BCL7A: variants seen among roughly 807,000 people sequenced by gnomAD.
BCL7A encodes BAF chromatin remodeling complex subunit BCL7A.
Under a neutral mutation model 28.4 loss-of-function variants are expected in BCL7A, and 11 were observed. The ratio of observed to expected loss-of-function variants is 0.39; its 90% CI spans 0.24 to 0.64. The LOEUF is 0.64. Ranked by LOEUF, BCL7A falls within the 30% of genes least tolerant of loss-of-function variation. BCL7A has a pLI of 0.50. For missense variants in BCL7A, 222 were observed against 274.8 expected (o/e 0.81, Z 1.36); for synonymous variants, 123 against 103.3 (o/e 1.19, Z -1.15).
At chr12:122,055,471 G>T (rs1289654834) in intron 5 of BCL7A, among the ~76,000 whole-genome samples, 2 of 152,170 alleles carry the variant, frequency 1.3e-5, no homozygotes, top group Non-Finnish European at 2.9e-5. Flanking sequence ...TTGAATCCCA[G>T]CTCCCAAAAT....
In BCL7A at chr12:122,059,099, A is replaced by G. The variant is rs1359845665; in HGVS notation, c.569A>G (p.Glu190Gly). ...AETSAISQDL[E>G]GVPPSKKMKL... ...TTTTCTCCTCTCCCCAAGGATTTGG[A>G]AGGAGTGCCACCCTCTAAAAAGATG... The change falls in exon 6 of 6, where the codon GAA (glutamate) becomes GGA (glycine). Residue 190 changes from glutamate (E) to glycine (G), a missense_variant. Physicochemically the swap from Glu to Gly is moderately conservative, Grantham distance 98 (BLOSUM62 -2). Coordinates refer to ENST00000261822, the MANE Select transcript of BCL7A (RefSeq NM_001024808.3). This position sits in a 1 kb window ranked among gnomAD's most constrained non-coding sequence, Gnocchi z 4.0. 6.8e-6 allele frequency: 11 copies of G among 1,608,832 alleles called. No individual in the cohort carries two copies. Among genetic ancestry groups the G allele is most frequent in the Non-Finnish European group, 8.5e-6 (10 of 1,175,166 alleles).
chr12:122,050,856 G>A (rs1294834290), intron 4 of BCL7A, among the ~76,000 whole-genome samples: 3 of 152,224 alleles, frequency 2.0e-5, no homozygotes, highest in Middle Eastern at 3.2e-3. Flanking sequence ...AAGGGGGCGA[G>A]AACGCCAGCA....
At chr12:122,058,679 G>A (rs1454141057) in intron 5 of BCL7A, among the ~76,000 whole-genome samples, 1 of 152,118 alleles carries the variant, frequency 6.6e-6, no homozygotes, top group Non-Finnish European at 1.5e-5. Flanking sequence ...CAAGAACTTG[G>A]AAAGGTGAAC....
At chr12:122,030,467 C>T (rs1031307284) in intron 1 of BCL7A, among the ~76,000 whole-genome samples, 12 of 152,234 alleles carry the variant, frequency 7.9e-5, no homozygotes, top group Non-Finnish European at 1.6e-4. Context: ...CACCCTCAGC[C>T]TTTTTGGCGA....
Position 122,054,897 on chromosome 12 carries a change from C to T in BCL7A, c.532C>T (p.Leu178=). Residue 178 remains leucine (L), a synonymous_variant, in exon 5 of 6, where the codon CTG becomes TTG. Transcript: ENST00000261822. The part of the protein sequence containing the change: ...VDRQPSGDSG[L]AAETSAISQD... ...TCGGCAGCCGTCTGGAGACTCGGGTCTGGCCGCAGAGACGTCTGCAATCTC... is the reference window on the plus strand; with the variant it reads ...TCGGCAGCCGTCTGGAGACTCGGGTTTGGCCGCAGAGACGTCTGCAATCTC... The T allele has an allele frequency of 6.2e-7, 1 of 1,614,198 alleles. No individual in the cohort carries two copies. Among genetic ancestry groups the T allele is most frequent in the African/African-American group, 1.3e-5 (1 of 75,052 alleles).
At chr12:122,057,561 A>AG (rs1385416824) in intron 5 of BCL7A, among the ~76,000 whole-genome samples, 1 of 152,138 alleles carries the variant, frequency 6.6e-6, no homozygotes, top group East Asian at 1.9e-4. Context: ...AGGTGGCTTC[A>AG]GGGGGTGTCC....
chr12:122,056,594 A>G (rs560668406), intron 5 of BCL7A, among the ~76,000 whole-genome samples: 7 of 152,252 alleles, frequency 4.6e-5, no homozygotes, highest in Admixed American at 6.5e-5. Flanking sequence ...TGAGGCCAGG[A>G]GTTCGAGACC....
At chr12:122,036,712 C>CT (rs57516020) in intron 3 of BCL7A, among the ~76,000 whole-genome samples, 36,778 of 145,796 alleles carry the variant, frequency 0.25, 4,762 homozygotes, top group East Asian at 0.46. Flanking sequence ...CCTAAAGCTC[C>CT]TTTTTTTTTT....
intron 2 of BCL7A, among the ~76,000 whole-genome samples, chr12:122,034,917 G>A (rs916716633): frequency 6.6e-6 from 1 of 152,180 alleles, no homozygotes; most frequent in Non-Finnish European, 1.5e-5. Flanking sequence ...GCCTGCAGCT[G>A]GTGGAAGTGA....
chr12:122,047,899 CTTT>C (rs776109345), intron 4 of BCL7A, among the ~76,000 whole-genome samples: 2 of 100,986 alleles, frequency 2.0e-5, no homozygotes, highest in Non-Finnish European at 3.9e-5. Context: ...CTGGAGAAGG[CTTT>C]TTTTTTTTTT....
intron 1 of BCL7A, among the ~76,000 whole-genome samples, chr12:122,023,121 A>C (rs1466948701): frequency 1.3e-5 from 2 of 152,172 alleles, no homozygotes; most frequent in East Asian, 1.9e-4. Flanking sequence ...AGGGGATCGA[A>C]CCTTTCCGCG....
chr12:122,039,092 C>A (rs190157502), intron 3 of BCL7A, among the ~76,000 whole-genome samples: 1 of 151,784 alleles, frequency 6.6e-6, no homozygotes, highest in African/African-American at 2.4e-5. Flanking sequence ...GTTGGGAGAT[C>A]GAGACCATCC....
intron 4 of BCL7A, among the ~76,000 whole-genome samples, chr12:122,047,435 A>G (rs1260707618): frequency 6.6e-6 from 1 of 151,854 alleles, no homozygotes; most frequent in East Asian, 2.0e-4. Context: ...GAGGCAGGAG[A>G]ATGGTGTGAA....
At chr12:122,024,884 A>T (rs1039112880) in intron 1 of BCL7A, among the ~76,000 whole-genome samples, 1 of 152,116 alleles carries the variant, frequency 6.6e-6, no homozygotes, top group African/African-American at 2.4e-5. Flanking sequence ...ATTTGGCCCC[A>T]TGAGCCTTGG....
Position 122,022,178 on chromosome 12 carries a change from C to G in BCL7A, c.87C>G (p.Arg29=), listed in dbSNP as rs1883477672. The G allele has an allele frequency of 6.5e-7, 1 of 1,532,046 alleles. No homozygotes were observed. Among genetic ancestry groups the G allele is most frequent in the African/African-American group, 1.4e-5 (1 of 69,590 alleles). The allele number at this position is 1,532,046 out of a possible 1,614,324, so 94.9% of individuals were successfully genotyped here. ...TCATGGCGGCGATCGAGAAAGTGCG[C>G]AAATGGTAAGCGGAGGCGCCCGCCG... ...KRVMAAIEKV[R]KWEKKWVTVG... The change falls in exon 1 of 6, where the codon CGC becomes CGG. Residue 29 remains arginine (R), a synonymous_variant. Transcript: ENST00000261822.
intron 4 of BCL7A, among the ~76,000 whole-genome samples, chr12:122,049,753 C>T (rs1565941737): frequency 6.6e-6 from 1 of 152,052 alleles, no homozygotes; most frequent in Non-Finnish European, 1.5e-5. Context: ...CACATGCAGT[C>T]CTGCGGGGGG....
At chr12:122,049,038 ATATAT>A (rs1884136667) in intron 4 of BCL7A, among the ~76,000 whole-genome samples, 1 of 44,610 alleles carries the variant, frequency 2.2e-5, no homozygotes, top group African/African-American at 9.6e-5. Context: ...AAAAAAAAAT[ATATAT>A]ATATATATAT....
At chr12:122,028,303 G>A (rs73415696) in intron 1 of BCL7A, among the ~76,000 whole-genome samples, 7 of 152,062 alleles carry the variant, frequency 4.6e-5, no homozygotes, top group Non-Finnish European at 8.8e-5. Context: ...CTCGAGCCTC[G>A]CTGGGAAGCA....
intron 4 of BCL7A, among the ~76,000 whole-genome samples, chr12:122,045,130 C>T (rs903423714): frequency 1.3e-5 from 2 of 152,050 alleles, no homozygotes; most frequent in Non-Finnish European, 2.9e-5. Context: ...CCTGTAATCC[C>T]AGCACTTTGG....
Sources: allele counts gnomAD v4.1 joint callset (sites outside exome capture counted in the v4.1 genomes callset), GRCh38; gene constraint gnomAD v4.1.1; non-coding constraint Gnocchi (gnomAD v3.1); transcripts MANE v1.5; gene names NCBI Gene and HGNC (gene_info 2026-07-23, HGNC 2026-07-21).